LINGO2: variants seen among roughly 807,000 people sequenced by gnomAD.
The protein encoded by LINGO2 is leucine rich repeat and Ig domain containing 2.
In LINGO2, 14 loss-of-function variants were observed where a neutral mutation model predicts 30.6. The observed-to-expected ratio is 0.46, with a 90% CI of 0.30 to 0.72. The LOEUF (loss-of-function observed/expected upper bound fraction) is 0.72. Among genes scored for constraint, LINGO2 ranks in the 30% least tolerant of loss-of-function variants. The probability of loss-of-function intolerance (pLI) is 0.07; values close to 1 mark genes in which losing one functional copy is unlikely to be tolerated. For synonymous variants in LINGO2, 317 were observed against 288.5 expected (o/e 1.10, Z -1.00); for missense variants, 729 against 751.7 (o/e 0.97, Z 0.35).
the LINGO2 span, among the ~76,000 whole-genome samples, chr9:28,799,531 G>A: frequency 6.6e-6 from 1 of 152,138 alleles, no homozygotes; most frequent in South Asian, 2.1e-4. Flanking sequence ...ATGAGTGAAG[G>A]AAAAGTAGCA....
chr9:28,047,112 C>T (rs1486687142), intron 4 of LINGO2, among the ~76,000 whole-genome samples: 1 of 152,110 alleles, frequency 6.6e-6, no homozygotes, highest in African/African-American at 2.4e-5. Context: ...CAATCAGTGG[C>T]TTAACATGTG....
chr9:28,753,598 G>T, the LINGO2 span, among the ~76,000 whole-genome samples: 2 of 152,000 alleles, frequency 1.3e-5, no homozygotes, highest in African/African-American at 4.8e-5. Context: ...TTTAATTTCT[G>T]GCTCTTTGTA....
At chr9:28,490,689 A>T (rs1826360649) in intron 1 of LINGO2, among the ~76,000 whole-genome samples, 1 of 152,206 alleles carries the variant, frequency 6.6e-6, no homozygotes, top group African/African-American at 2.4e-5. Flanking sequence ...CTATATCTTA[A>T]ATATCAACAT....
At chr9:28,615,300 C>T (rs997160435) in intron 1 of LINGO2, among the ~76,000 whole-genome samples, 28 of 152,070 alleles carry the variant, frequency 1.8e-4, no homozygotes, top group Admixed American at 4.6e-4. Flanking sequence ...GTAATTTAAA[C>T]GCTGCATTTC....
chr9:28,410,371 C>T (rs1293955117), intron 2 of LINGO2, among the ~76,000 whole-genome samples: 1 of 152,036 alleles, frequency 6.6e-6, no homozygotes, highest in Admixed American at 6.6e-5. Context: ...TAACAAGCCA[C>T]TTGCATATTA....
chr9:28,515,847 G>A (rs1820599342), intron 1 of LINGO2, among the ~76,000 whole-genome samples: 1 of 152,266 alleles, frequency 6.6e-6, no homozygotes, highest in African/African-American at 2.4e-5. Flanking sequence ...AATGTTATCA[G>A]AAAGCACTCC....
chr9:28,712,907 C>A, the LINGO2 span, among the ~76,000 whole-genome samples: 1 of 151,754 alleles, frequency 6.6e-6, no homozygotes, highest in South Asian at 2.1e-4. Context: ...GCTCTGTCAC[C>A]CAGGCTGGAG....
At chr9:28,799,188 T>G in the LINGO2 span, among the ~76,000 whole-genome samples, 1 of 152,204 alleles carries the variant, frequency 6.6e-6, no homozygotes, top group South Asian at 2.1e-4. Context: ...GGAGTAGTGT[T>G]AGAAAGAGTG....
At chr9:28,033,455 G>A (rs192400769) in intron 4 of LINGO2, among the ~76,000 whole-genome samples, 1 of 152,250 alleles carries the variant, frequency 6.6e-6, no homozygotes, top group East Asian at 1.9e-4. Context: ...AACCTGTGCA[G>A]GAGAGAACCA....
At chr9:28,821,201 G>T in the LINGO2 span, among the ~76,000 whole-genome samples, 4 of 152,178 alleles carry the variant, frequency 2.6e-5, no homozygotes, top group African/African-American at 9.7e-5. Flanking sequence ...CACTGACTAG[G>T]GGCATATCTT....
At chr9:28,359,332 C>G (rs1316336614) in intron 3 of LINGO2, among the ~76,000 whole-genome samples, 1 of 152,084 alleles carries the variant, frequency 6.6e-6, no homozygotes, top group Non-Finnish European at 1.5e-5. Context: ...ATACTAGACT[C>G]TCTACTTCTA....
At chr9:28,471,534 T>C (rs536081120) in intron 2 of LINGO2, among the ~76,000 whole-genome samples, 1 of 152,280 alleles carries the variant, frequency 6.6e-6, no homozygotes, top group Admixed American at 6.5e-5. Context: ...ATTTTTCACA[T>C]GTGAATTCTG....
intron 3 of LINGO2, among the ~76,000 whole-genome samples, chr9:28,299,215 T>C (rs1048802284): frequency 6.6e-6 from 1 of 152,214 alleles, no homozygotes; most frequent in Non-Finnish European, 1.5e-5. Context: ...TCAATGCATT[T>C]GTTAAATGAT....
At chr9:27,995,252 C>T (rs898257864) in intron 5 of LINGO2, among the ~76,000 whole-genome samples, 21 of 152,124 alleles carry the variant, frequency 1.4e-4, no homozygotes, top group Middle Eastern at 3.4e-3. Flanking sequence ...TAATAAAAAG[C>T]CTCCCATCAT....
At chr9:28,556,634 T>G (rs2135529951) in intron 1 of LINGO2, among the ~76,000 whole-genome samples, 1 of 152,128 alleles carries the variant, frequency 6.6e-6, no homozygotes, top group East Asian at 1.9e-4. Context: ...TTCACAGAAT[T>G]GGAAAAAACT....
intron 5 of LINGO2, among the ~76,000 whole-genome samples, chr9:27,964,053 A>G (rs1353563434): frequency 1.3e-5 from 2 of 152,040 alleles, no homozygotes; most frequent in Admixed American, 1.3e-4. Flanking sequence ...CAGAAATAAA[A>G]TATATCTTTA....
At chr9:28,415,184 T>A (rs2134840845) in intron 2 of LINGO2, among the ~76,000 whole-genome samples, 1 of 152,184 alleles carries the variant, frequency 6.6e-6, no homozygotes, top group South Asian at 2.1e-4. Context: ...CACGTGCTAG[T>A]TCCTTCTATT....
At chr9:28,008,448 C>A (rs1822378800) in intron 5 of LINGO2, among the ~76,000 whole-genome samples, 1 of 151,266 alleles carries the variant, frequency 6.6e-6, no homozygotes, top group Non-Finnish European at 1.5e-5. Flanking sequence ...TTCTATTCAC[C>A]ATTGCACTGA....
At chr9:29,140,241 G>C in the LINGO2 span, among the ~76,000 whole-genome samples, 1 of 151,650 alleles carries the variant, frequency 6.6e-6, no homozygotes. Context: ...TTCAAAAATG[G>C]GCACGTATGA....
Sources: gnomAD v4.1 joint callset for allele counts (sites outside exome capture counted in the v4.1 genomes callset) on GRCh38, gnomAD v4.1.1 for gene constraint, MANE v1.5 for transcripts, NCBI Gene and HGNC (gene_info 2026-07-23, HGNC 2026-07-21) for gene names.